The following CCN4 variants were observed in gnomAD, a reference collection of about 807,000 sequenced individuals.
CCN4 encodes the protein cellular communication network factor 4, also known as CCN family member 4.
CCN4 carries 30 observed loss-of-function variants against 36.7 expected under a neutral mutation model. The observed-to-expected ratio is 0.82, with a 90% CI of 0.61 to 1.11. The LOEUF is 1.11. Among genes scored for constraint, CCN4 ranks in the 50% least tolerant of loss-of-function variants. The pLI is 0.00. For missense variants in CCN4, 505 were observed against 504.9 expected, an observed-to-expected ratio of 1.00 and a Z score of 0.00; for synonymous variants, 191 against 195.4, an observed-to-expected ratio of 0.98 and a Z score of 0.19.
chr8:133,207,789 T>C lies in CCN4; in HGVS notation c.70-5075T>C, dbSNP rs560044980. Among the ~76,000 whole-genome samples, 10 of 152,270 alleles carry C rather than the reference T, an allele frequency of 6.6e-5. No individual in the cohort carries two copies. The South Asian group carries it at 2.1e-3, about 32-fold the overall frequency. ...CATGCAGGGGAACAGATGGGCGGCA[T>C]GTGGTTTCTGCCTTCAAAGGATGGC... On this transcript the variant is annotated intron_variant, in intron 1 of 4. Transcript: ENST00000250160.
Position 133,226,268 on chromosome 8 carries a change from AAC to A in CCN4, c.804+687_804+688del, listed in dbSNP as rs1441751952. The stretch of plus-strand genomic sequence containing the variant: ...AAAAACAAAGCAAAACAAAAAATTC[AAC>A]AGTTATTCCATTTTTGGAATGCTGA... On this transcript the variant is annotated intron_variant, in intron 4 of 4. Coordinates refer to ENST00000250160, the MANE Select transcript of CCN4 (RefSeq NM_003882.4). 3.3e-5 allele frequency among the ~76,000 whole-genome samples: 5 copies of A among 152,196 alleles called. No individual in the cohort carries two copies. In the East Asian group the frequency reaches 9.6e-4, roughly 29 times the overall value.
chr8:133,227,279 G>A, intron 4 of CCN4, 132 bp from the exon 5 acceptor site: 1 of 861,816 alleles, frequency 1.2e-6, no homozygotes. Flanking sequence ...CCTTGCTTGA[G>A]GATGCTGTGA....
rs755449226 is a variant in CCN4 at position 133,191,233 on chromosome 8, G to T, written c.69+20G>T. 6.9e-6 allele frequency: 11 copies of T among 1,600,882 alleles called. No individual in the cohort carries two copies. The South Asian group carries it at 1.2e-4, about 18-fold the overall frequency. On this transcript the variant is annotated intron_variant, in intron 1 of 4. Transcript: ENST00000250160. ...GCCACGGTGAGTCCTGCCTGGAGGGGCTCAGAGGGAGACCCAGCTCCCTTC... is the reference window on the plus strand; with the variant it reads ...GCCACGGTGAGTCCTGCCTGGAGGGTCTCAGAGGGAGACCCAGCTCCCTTC...
chr8:133,192,130 A>AGACG (rs984231507), intron 1 of CCN4, among the ~76,000 whole-genome samples: 9 of 152,176 alleles, frequency 5.9e-5, no homozygotes, highest in African/African-American at 4.8e-5. Flanking sequence ...AACAGCCTAG[A>AGACG]GACGGAGGGG....
intron 1 of CCN4, among the ~76,000 whole-genome samples, chr8:133,207,858 TC>T (rs1199152017): frequency 6.6e-6 from 1 of 152,296 alleles, no homozygotes; most frequent in African/African-American, 2.4e-5. Flanking sequence ...ATTCACCCTA[TC>T]AACAGATGCT....
At chr8:133,218,750 A>G (rs1235303396) in intron 2 of CCN4, among the ~76,000 whole-genome samples, 1 of 152,116 alleles carries the variant, frequency 6.6e-6, no homozygotes. Flanking sequence ...CAGAGAGAGC[A>G]TGGTATCAAG....
intron 2 of CCN4, among the ~76,000 whole-genome samples, chr8:133,219,905 T>A (rs1854455641): frequency 2.6e-5 from 4 of 152,240 alleles, no homozygotes. Flanking sequence ...TCAAAAAGTG[T>A]GTTTATGTAA....
In CCN4 at chr8:133,212,557, C is replaced by T. The variant is rs146324234; in HGVS notation, c.70-307C>T. Among the ~76,000 whole-genome samples the T allele has an allele frequency of 3.2e-3, 489 of 152,128 alleles. 2 individuals carry two copies. Among genetic ancestry groups the T allele is most frequent in the African/African-American group, 0.011 (446 of 41,490 alleles). On this transcript the variant is annotated intron_variant, in intron 1 of 4. Coordinates refer to ENST00000250160, the MANE Select transcript of CCN4 (RefSeq NM_003882.4). The stretch of plus-strand genomic sequence containing the variant: ...CTGTAAAGTGAGGCCACCTCCCTTA[C>T]CTCGGGGCTGCAGCGACAATCACTC...
chr8:133,225,494 T>G lies in CCN4; in HGVS notation c.715T>G (p.Ser239Ala), dbSNP rs1854696279. ...CGGCCTGGGGGTCTCCACTCGGATC[T>G]CCAATGTTAACGCCCAGTGCTGGCC... ...SCGLGVSTRI[S>A]NVNAQCWPEQ... is the part of the protein sequence containing the mutation. The change falls in exon 4 of 5, where the codon TCC becomes GCC. Residue 239 changes from serine (S) to alanine (A), a missense_variant. Transcript: ENST00000250160. 6.2e-7 allele frequency: 1 copy of G among 1,614,104 alleles called. No individual in the cohort carries two copies. The highest frequency in any genetic ancestry group is 8.5e-7 in the Non-Finnish European group (1 of 1,179,990).
At chr8:133,224,141 G>A (rs1210320065) in intron 3 of CCN4, among the ~76,000 whole-genome samples, 1 of 151,636 alleles carries the variant, frequency 6.6e-6, no homozygotes, top group Admixed American at 6.6e-5. Flanking sequence ...GCAAGGAGGT[G>A]TGAGCTAGCT....
intron 1 of CCN4, among the ~76,000 whole-genome samples, chr8:133,195,295 T>C (rs1366702027): frequency 6.6e-6 from 1 of 150,554 alleles, no homozygotes; most frequent in African/African-American, 2.5e-5. Context: ...GTGTTGAGTG[T>C]GTATGTGTTG....
At chr8:133,219,404 C>T (rs1854437628) in intron 2 of CCN4, among the ~76,000 whole-genome samples, 1 of 152,178 alleles carries the variant, frequency 6.6e-6, no homozygotes, top group African/African-American at 2.4e-5. Flanking sequence ...TCCTTCCTCA[C>T]CTCCTTCAGG....
chr8:133,220,082 C>A (rs905156165), intron 2 of CCN4, among the ~76,000 whole-genome samples: 1 of 152,100 alleles, frequency 6.6e-6, no homozygotes, highest in African/African-American at 2.4e-5. Flanking sequence ...ACAGCATAAG[C>A]TCTTTGAGGG....
At chr8:133,207,991 G>A (rs918116090) in intron 1 of CCN4, among the ~76,000 whole-genome samples, 18 of 90,018 alleles carry the variant, frequency 2.0e-4, no homozygotes, top group Non-Finnish European at 4.0e-4. Flanking sequence ...CTACCTTTCA[G>A]CTGTTTTTTT....
intron 1 of CCN4, among the ~76,000 whole-genome samples, chr8:133,205,715 C>T (rs889431587): frequency 2.6e-5 from 4 of 152,098 alleles, no homozygotes; most frequent in African/African-American, 7.2e-5. Context: ...TCCCAGGGGC[C>T]CAAGCAAGCA....
At chr8:133,200,085 A>G (rs117570068) in intron 1 of CCN4, among the ~76,000 whole-genome samples, 1,644 of 152,254 alleles carry the variant, frequency 0.011, 12 homozygotes, top group Middle Eastern at 0.034. Flanking sequence ...GTTTCTCCCT[A>G]TCTGAGCCAG....
intron 3 of CCN4, among the ~76,000 whole-genome samples, chr8:133,224,968 C>G (rs184888693): frequency 7.6e-4 from 115 of 151,824 alleles, no homozygotes; most frequent in Non-Finnish European, 1.3e-3. Flanking sequence ...TTCCCAGCAC[C>G]TAGCAAGATG....
chr8:133,197,914 C>T (rs576036684), intron 1 of CCN4, among the ~76,000 whole-genome samples: 3 of 152,248 alleles, frequency 2.0e-5, no homozygotes, highest in South Asian at 4.1e-4. Flanking sequence ...GCGGGTAATT[C>T]TAAGAGTAGG....
intron 2 of CCN4, among the ~76,000 whole-genome samples, chr8:133,218,983 C>A (rs1281291993): frequency 6.6e-6 from 1 of 152,050 alleles, no homozygotes. Flanking sequence ...GTCCTGGCAG[C>A]TCTCCTTCCA....
Sources: allele counts gnomAD v4.1 joint callset (sites outside exome capture counted in the v4.1 genomes callset), GRCh38; gene constraint gnomAD v4.1.1; transcripts MANE v1.5; gene names NCBI Gene and HGNC (gene_info 2026-07-23, HGNC 2026-07-21).